Variants in FAT3 observed in about 807,000 individuals in gnomAD.
FAT3 encodes FAT atypical cadherin 3, also known as protocadherin Fat 3.
FAT3 carries 95 observed loss-of-function variants against 310.2 expected under a neutral mutation model. That is an observed-to-expected ratio of 0.31 (90% confidence interval 0.26 to 0.36). FAT3 has a LOEUF of 0.36. Among genes scored for constraint, FAT3 ranks in the 10% least tolerant of loss-of-function variants. The pLI is 1.00. For synonymous variants in FAT3, 2,314 were observed against 2,192.9 expected (o/e 1.06, Z -1.54); for missense variants, 5,408 against 5,715.6 (o/e 0.95, Z 1.74).
intron 13 of FAT3, among the ~76,000 whole-genome samples, chr11:92,831,301 T>C (rs1039785178): frequency 6.6e-6 from 1 of 152,214 alleles, no homozygotes; most frequent in South Asian, 2.1e-4. Flanking sequence ...TATTTCTCTT[T>C]CTGTGCCACA....
intron 3 of FAT3, among the ~76,000 whole-genome samples, chr11:92,652,545 G>T (rs771679764): frequency 1.3e-5 from 2 of 152,154 alleles, no homozygotes; most frequent in Non-Finnish European, 2.9e-5. Context: ...ACAGAAATCA[G>T]TAGCTTGCCT....
intron 4 of FAT3, among the ~76,000 whole-genome samples, chr11:92,699,099 A>G (rs1398808138): frequency 6.6e-6 from 1 of 152,214 alleles, no homozygotes; most frequent in Non-Finnish European, 1.5e-5. Context: ...ACAGACTTAC[A>G]TAAATACTGA....
At chr11:92,372,437 CA>C in intron 2 of FAT3, among the ~76,000 whole-genome samples, 1 of 150,526 alleles carries the variant, frequency 6.6e-6, no homozygotes, top group East Asian at 2.0e-4. Flanking sequence ...TTTTTTAAAT[CA>C]AAAATAGAAA....
Position 92,844,050 on chromosome 11 carries a change from G to A in FAT3, c.10683G>A (p.Met3561Ile). 1 of 1,614,004 alleles carries A rather than the reference G, an allele frequency of 6.2e-7. No homozygotes were observed. The highest frequency in any genetic ancestry group is 8.5e-7 in the Non-Finnish European group (1 of 1,179,894). ...AIPLEIFIVT[M>I]EDDFPGGVIG... ...CCCTGGAAATTTTCATTGTCACCAT[G>A]GAGGATGACTTTCCTGGTGGGGTCA... The change falls in exon 19 of 28, where the codon ATG becomes ATA. Residue 3561 changes from methionine to isoleucine, a missense_variant. Physicochemically the swap from Met to Ile is conservative, Grantham distance 10. Coordinates refer to ENST00000525166, the MANE Select transcript of FAT3 (RefSeq NM_001367949.2).
intron 3 of FAT3, among the ~76,000 whole-genome samples, chr11:92,651,526 A>G (rs1271584849): frequency 2.0e-5 from 3 of 152,314 alleles, no homozygotes; most frequent in South Asian, 2.1e-4. Flanking sequence ...TAGAGTCTCC[A>G]TGGGGACATC....
chr11:92,721,114 A>T (rs1944846210), intron 4 of FAT3, among the ~76,000 whole-genome samples: 1 of 152,180 alleles, frequency 6.6e-6, no homozygotes. Context: ...ACAGGTGCCC[A>T]GTGTGTATTG....
chr11:92,427,698 C>T (rs186266273), intron 2 of FAT3, among the ~76,000 whole-genome samples: 1 of 152,258 alleles, frequency 6.6e-6, no homozygotes, highest in East Asian at 1.9e-4. Flanking sequence ...CCGAACTAGC[C>T]TTGCATCCCA....
intron 2 of FAT3, among the ~76,000 whole-genome samples, chr11:92,387,819 A>T (rs1332772210): frequency 6.6e-6 from 1 of 152,168 alleles, no homozygotes; most frequent in East Asian, 1.9e-4. Flanking sequence ...GCAGTGGAGG[A>T]GAAGCTGGGA....
chr11:92,799,728 G>A lies in FAT3; in HGVS notation c.6715G>A (p.Val2239Ile), dbSNP rs777666866. 17 of 1,612,856 alleles carry A rather than the reference G, an allele frequency of 1.1e-5. No individual in the cohort carries two copies. In the Admixed American group the frequency reaches 2.8e-4, roughly 27 times the overall value. The change falls in exon 10 of 28, where the codon GTC becomes ATC. Residue 2239 changes from valine to isoleucine, a missense_variant. Transcript: ENST00000525166. ...GTTTAACATTGACTTTGACACTGGG[G>A]TCCTGAAAGTTGTTAGCCCTTTGGA... is the stretch of plus-strand genomic sequence containing the variant. ...KQFNIDFDTG[V>I]LKVVSPLDYE...
chr11:92,528,455 C>G (rs1038228360), intron 3 of FAT3, among the ~76,000 whole-genome samples: 3 of 152,170 alleles, frequency 2.0e-5, no homozygotes, highest in Non-Finnish European at 2.9e-5. Context: ...GGCACGATCT[C>G]GGCTCACTGC....
At chr11:92,697,996 A>G (rs1229762045) in intron 4 of FAT3, among the ~76,000 whole-genome samples, 4 of 152,208 alleles carry the variant, frequency 2.6e-5, no homozygotes, top group Non-Finnish European at 5.9e-5. Context: ...ATAAAAAGCT[A>G]TGAGATGAGA....
chr11:92,553,725 TTC>T (rs1291666136), intron 3 of FAT3, among the ~76,000 whole-genome samples: 1 of 72,104 alleles, frequency 1.4e-5, no homozygotes, highest in African/African-American at 4.9e-5. Context: ...TCCTTCCTTT[TTC>T]GTTGTTTCTT....
chr11:92,618,452 G>C (rs1940925056), intron 3 of FAT3, among the ~76,000 whole-genome samples: 1 of 152,130 alleles, frequency 6.6e-6, no homozygotes, highest in South Asian at 2.1e-4. Context: ...GCCCCGCCCT[G>C]CTTCGGCTCA....
At chr11:92,488,778 C>T (rs1952510477) in intron 2 of FAT3, among the ~76,000 whole-genome samples, 2 of 152,038 alleles carry the variant, frequency 1.3e-5, no homozygotes, top group Admixed American at 1.3e-4. Flanking sequence ...GATGAGGAGT[C>T]TTTGTTACAC....
chr11:92,673,623 A>G (rs142570587), intron 3 of FAT3, among the ~76,000 whole-genome samples: 153 of 152,272 alleles, frequency 1.0e-3, no homozygotes, highest in African/African-American at 3.0e-3. Flanking sequence ...TTAAGTTGGT[A>G]TTTTGGTGTT....
intron 3 of FAT3, among the ~76,000 whole-genome samples, chr11:92,603,391 T>C (rs1940123891): frequency 6.6e-6 from 1 of 152,240 alleles, no homozygotes; most frequent in African/African-American, 2.4e-5. Context: ...ATTGTGTTCA[T>C]CTGTAATTCT....
Position 92,486,130 on chromosome 11 carries a change from G to GTTTTTTTTTTTTTTTTTTTTTTTTTTT in FAT3, c.3293-38502_3293-38476dup, listed in dbSNP as rs71064714. 1.3e-4 allele frequency among the ~76,000 whole-genome samples: 5 copies of GTTTTTTTTTTTTTTTTTTTTTTTTTTT among 37,140 alleles called. 1 individual carries two copies. The highest frequency in any genetic ancestry group is 1.5e-3 in the East Asian group (1 of 676). 24.4% of individuals were successfully genotyped at this position (37,140 alleles called of 152,430 possible). ...GTGAAATAGAGGAGAGGCTGCTGGG[G>GTTTTTTTTTTTTTTTTTTTTTTTTTTT]TTTTTTTTTTTTTTTTTTTTTTTTT... On this transcript the variant is annotated intron_variant, in intron 2 of 27. Transcript: ENST00000525166.
chr11:92,855,542 A>G (rs1948951378), intron 19 of FAT3, among the ~76,000 whole-genome samples: 1 of 152,246 alleles, frequency 6.6e-6, no homozygotes, highest in African/African-American at 2.4e-5. Context: ...TATTTGTTGA[A>G]TAAATGCACC....
chr11:92,562,851 T>G (rs1171494286), intron 3 of FAT3, among the ~76,000 whole-genome samples: 6 of 152,214 alleles, frequency 3.9e-5, no homozygotes, highest in Non-Finnish European at 8.8e-5. Flanking sequence ...GATTGGATGC[T>G]GTCCACTCAC....
Sources: gnomAD v4.1 joint callset for allele counts (sites outside exome capture counted in the v4.1 genomes callset) on GRCh38, gnomAD v4.1.1 for gene constraint, MANE v1.5 for transcripts, NCBI Gene and HGNC (gene_info 2026-07-23, HGNC 2026-07-21) for gene names.